Variants in AFF1 observed in about 807,000 individuals in gnomAD.
The protein encoded by AFF1 is ALF transcription elongation factor 1.
Under a neutral mutation model 121.7 loss-of-function variants are expected in AFF1, and 48 were observed. That is an observed-to-expected ratio of 0.39 (90% CI 0.31 to 0.50). The LOEUF (loss-of-function observed/expected upper bound fraction) is 0.50, where lower values mean the gene tolerates loss of function less well. AFF1 is among the 20% of genes least tolerant of loss of function. The probability of loss-of-function intolerance (pLI) is 0.76; values close to 1 mark genes in which losing one functional copy is unlikely to be tolerated. For missense variants in AFF1, 1,523 were observed against 1,511.7 expected (o/e 1.01, Z -0.12); for synonymous variants, 613 against 563.0 (o/e 1.09, Z -1.26).
At chr4:87,014,068 C>A (rs1165758721) in intron 2 of AFF1, among the ~76,000 whole-genome samples, 1 of 151,990 alleles carries the variant, frequency 6.6e-6, no homozygotes, top group Non-Finnish European at 1.5e-5. Flanking sequence ...TATCTACGTC[C>A]ATAAAATTTA....
intron 2 of AFF1, chr4:87,007,047 G>A: frequency 8.4e-7 from 1 of 1,185,356 alleles, no homozygotes; most frequent in Non-Finnish European, 1.0e-6. Flanking sequence ...GCAGGCGTTG[G>A]GCGCCGGCGG....
chr4:87,054,391 G>A (rs1279689873), intron 4 of AFF1, among the ~76,000 whole-genome samples: 1 of 152,212 alleles, frequency 6.6e-6, no homozygotes, highest in East Asian at 1.9e-4. Context: ...GTAGCCTTGG[G>A]AGAAGCACAG....
At chr4:86,991,721 T>C (rs889908895) in intron 2 of AFF1, among the ~76,000 whole-genome samples, 7 of 152,108 alleles carry the variant, frequency 4.6e-5, no homozygotes, top group African/African-American at 7.2e-5. Context: ...ACTACATCTT[T>C]AGTGTGGCTT....
intron 2 of AFF1, among the ~76,000 whole-genome samples, chr4:86,980,837 A>G (rs1295122980): frequency 6.6e-6 from 1 of 152,166 alleles, no homozygotes; most frequent in Non-Finnish European, 1.5e-5. Flanking sequence ...TATAATTATG[A>G]AATAACATTT....
intron 2 of AFF1, among the ~76,000 whole-genome samples, chr4:86,969,577 TA>T (rs5860046): frequency 1.4e-5 from 2 of 145,694 alleles, no homozygotes; most frequent in African/African-American, 2.5e-5. Context: ...AAATAGTTGT[TA>T]AAAAAAAAAA....
intron 4 of AFF1, among the ~76,000 whole-genome samples, chr4:87,064,078 T>C (rs1228797759): frequency 6.6e-6 from 1 of 152,238 alleles, no homozygotes; most frequent in African/African-American, 2.4e-5. Flanking sequence ...ATACTTGCTG[T>C]AGTTTCAGGA....
chr4:87,057,906 C>A (rs1720314339), intron 4 of AFF1, among the ~76,000 whole-genome samples: 1 of 151,938 alleles, frequency 6.6e-6, no homozygotes, highest in African/African-American at 2.4e-5. Context: ...CCCCCGCCCA[C>A]CATCCCCACC....
intron 8 of AFF1, among the ~76,000 whole-genome samples, chr4:87,098,746 T>C (rs140062271): frequency 3.4e-4 from 52 of 152,326 alleles, no homozygotes; most frequent in African/African-American, 1.0e-3. Context: ...TTAGTCATTA[T>C]AGCAATTTGA....
At chr4:87,007,140 G>A (rs1578044329) in intron 2 of AFF1, 2 of 1,265,250 alleles carry the variant, frequency 1.6e-6, no homozygotes, top group Non-Finnish European at 9.9e-7. Flanking sequence ...CGGACGCGGC[G>A]CTCCCCGGGC....
At chr4:87,094,792 G>A in intron 7 of AFF1, 123 bp from the exon 8 acceptor site, 1 of 852,602 alleles carries the variant, frequency 1.2e-6, no homozygotes. Flanking sequence ...ATCTTATAAT[G>A]CTAAGATTGT....
At chr4:86,971,538 G>A (rs1041820764) in intron 2 of AFF1, among the ~76,000 whole-genome samples, 1 of 152,228 alleles carries the variant, frequency 6.6e-6, no homozygotes, top group Non-Finnish European at 1.5e-5. Flanking sequence ...GTTCCTTGCA[G>A]ATGCACTGAT....
intron 2 of AFF1, among the ~76,000 whole-genome samples, chr4:86,991,696 A>G (rs1053790730): frequency 2.0e-5 from 3 of 152,190 alleles, no homozygotes; most frequent in East Asian, 1.9e-4. Context: ...ATGTGGGTGC[A>G]GTGGACATCC....
intron 2 of AFF1, among the ~76,000 whole-genome samples, chr4:86,961,612 GGT>G (rs1223699107): frequency 2.0e-5 from 3 of 151,548 alleles, no homozygotes; most frequent in Non-Finnish European, 4.4e-5. Flanking sequence ...TGGGAATAGG[GGT>G]CACTACTGAG....
intron 2 of AFF1, among the ~76,000 whole-genome samples, chr4:87,022,375 G>A (rs978551730): frequency 6.6e-6 from 1 of 151,522 alleles, no homozygotes; most frequent in Non-Finnish European, 1.5e-5. Context: ...AGATGTTCCA[G>A]TCTGTTCATG....
chr4:86,983,004 C>G (rs1010695017), intron 2 of AFF1, among the ~76,000 whole-genome samples: 1 of 152,066 alleles, frequency 6.6e-6, no homozygotes. Flanking sequence ...AGCTCCAGAA[C>G]TGTGAGAAAT....
intron 1 of AFF1, among the ~76,000 whole-genome samples, chr4:86,939,114 T>C (rs1285337306): frequency 6.8e-6 from 1 of 148,066 alleles, no homozygotes; most frequent in Non-Finnish European, 1.5e-5. Flanking sequence ...ATTGTGATGG[T>C]AACATGATCA....
At chr4:87,007,502 C>G in intron 2 of AFF1, 1 of 1,575,194 alleles carries the variant, frequency 6.3e-7, no homozygotes, top group Non-Finnish European at 8.7e-7. Flanking sequence ...GGGCAGGGTG[C>G]GGGGAAGGAG....
In AFF1 at chr4:86,944,322, C is replaced by G. The variant is rs540207708; in HGVS notation, c.-36-4176C>G. Among the ~76,000 whole-genome samples the G allele has an allele frequency of 4.5e-4, 68 of 151,968 alleles. 3 individuals carry two copies. The South Asian group carries it at 0.014, about 31-fold the overall frequency. ...CCCCGACGACAATCCCATGAAGCCC[C>G]TGTATTACTGATGAGAAAGCTGAGG... On this transcript the variant is annotated intron_variant, in intron 1 of 20. Coordinates refer to ENST00000395146, the MANE Select transcript of AFF1 (RefSeq NM_001166693.3).
chr4:86,998,622 T>C (rs1194672435), intron 2 of AFF1, among the ~76,000 whole-genome samples: 2 of 152,208 alleles, frequency 1.3e-5, no homozygotes, highest in Non-Finnish European at 2.9e-5. Flanking sequence ...TACTGTATTG[T>C]ACCTGTTTTT....
Sources: gnomAD v4.1 joint callset for allele counts (sites outside exome capture counted in the v4.1 genomes callset) on GRCh38, gnomAD v4.1.1 for gene constraint, MANE v1.5 for transcripts, NCBI Gene and HGNC (gene_info 2026-07-23, HGNC 2026-07-21) for gene names.